The following USP9X variants were observed in gnomAD, a reference collection of about 807,000 sequenced individuals.
USP9X encodes the protein ubiquitin carboxyl-terminal hydrolase 9X.
Under a neutral mutation model 190.3 loss-of-function variants are expected in USP9X, and 7 were observed. The ratio of observed to expected loss-of-function variants is 0.04; its 90% CI spans 0.02 to 0.07. The LOEUF is 0.07. USP9X is among the 10% of genes least tolerant of loss of function. The pLI is 1.00. For synonymous variants in USP9X, 645 were observed against 659.5 expected, an observed-to-expected ratio of 0.98 and a Z score of 0.34; for missense variants, 1,010 against 1,916.9, an observed-to-expected ratio of 0.53 and a Z score of 8.83.
chrX:41,190,304 C>T (rs1016765016), intron 26 of USP9X, among the ~76,000 whole-genome samples: 3 of 110,574 alleles, frequency 2.7e-5, no homozygotes, highest in Non-Finnish European at 3.8e-5. Context: ...CTTGCCCACT[C>T]GAGAGGATGT....
chrX:41,105,414 T>C (rs1028753124), intron 1 of USP9X, among the ~76,000 whole-genome samples: 1 of 112,318 alleles, frequency 8.9e-6, no homozygotes, highest in African/African-American at 3.2e-5. Flanking sequence ...TTTGTCCTTT[T>C]GTGACCGCTT....
chrX:41,157,312 A>G (rs1423138465), intron 14 of USP9X, among the ~76,000 whole-genome samples: 1 of 111,517 alleles, frequency 9.0e-6, no homozygotes, highest in African/African-American at 3.3e-5. Context: ...TGAGCATAGG[A>G]CAAAAACATA....
chrX:41,125,736 T>G (rs369307813), intron 2 of USP9X, among the ~76,000 whole-genome samples: 14 of 105,096 alleles, frequency 1.3e-4, no homozygotes, highest in African/African-American at 4.3e-4. Flanking sequence ...GCGCGCGCGC[T>G]CTCTCTCTCT....
chrX:41,158,821 T>C (rs1325662619), intron 14 of USP9X, among the ~76,000 whole-genome samples: 2 of 111,516 alleles, frequency 1.8e-5, no homozygotes, highest in Non-Finnish European at 3.8e-5. Context: ...CATCCAACAA[T>C]AGTGAAACTA....
At chrX:41,186,981 A>AC (rs1224993183) in intron 24 of USP9X, among the ~76,000 whole-genome samples, 4 of 91,702 alleles carry the variant, frequency 4.4e-5, no homozygotes, top group Non-Finnish European at 6.5e-5. Context: ...TGCCACACCC[A>AC]CCCCCCCATG....
chrX:41,204,429 T>A (rs1602030394), intron 31 of USP9X, among the ~76,000 whole-genome samples: 2 of 98,801 alleles, frequency 2.0e-5, no homozygotes, highest in African/African-American at 7.5e-5. Flanking sequence ...TTTTTTTTTT[T>A]AACAGTTCTG....
rs2063080421 is a variant in USP9X at position 41,205,209 on chromosome X, A to G, written c.4825-94A>G. On this transcript the variant is annotated intron_variant, in intron 31 of 44. Coordinates refer to ENST00000378308, the MANE Select transcript of USP9X (RefSeq NM_001039591.3). ...AAAGTGCTTTGGAAATGAGCATAATAGGAATACAAATCATTTGTTCAATAA... is the reference window on the plus strand; with the variant it reads ...AAAGTGCTTTGGAAATGAGCATAATGGGAATACAAATCATTTGTTCAATAA... The G allele has an allele frequency of 6.0e-6, 4 of 670,956 alleles. No homozygotes were observed. In the East Asian group the frequency reaches 1.1e-4, roughly 18 times the overall value. 55.3% of individuals were successfully genotyped at this position (670,956 alleles called of 1,213,427 possible).
chrX:41,130,347 G>A (rs2062298084), intron 3 of USP9X, among the ~76,000 whole-genome samples: 1 of 110,500 alleles, frequency 9.0e-6, no homozygotes, highest in Non-Finnish European at 1.9e-5. Flanking sequence ...TGTATTGTTT[G>A]TTGCTTTTCC....
intron 21 of USP9X, among the ~76,000 whole-genome samples, chrX:41,183,088 G>A (rs1182730524): frequency 9.1e-6 from 1 of 110,038 alleles, no homozygotes; most frequent in African/African-American, 3.3e-5. Context: ...ACAGGCGCAT[G>A]CCACCACGCC....
At chrX:41,189,831 CAG>C (rs763443881) in intron 26 of USP9X, 3 of 126,060 alleles carry the variant, frequency 2.4e-5, no homozygotes, top group East Asian at 2.3e-4. Flanking sequence ...TAAAGCCAAA[CAG>C]AATTTGATAT....
intron 1 of USP9X, among the ~76,000 whole-genome samples, chrX:41,122,980 G>T (rs2062203807): frequency 9.0e-6 from 1 of 110,856 alleles, no homozygotes; most frequent in Non-Finnish European, 1.9e-5. Flanking sequence ...GGAGCCTGGG[G>T]CTTGGGGTTT....
intron 14 of USP9X, among the ~76,000 whole-genome samples, chrX:41,157,584 GCCCTTATTT>G (rs1214648348): frequency 1.8e-4 from 20 of 111,393 alleles, no homozygotes; most frequent in African/African-American, 6.5e-4. Flanking sequence ...CATAGCCATA[GCCCTTATTT>G]CCCATAGTCA....
chrX:41,184,771 T>C (rs951738222), intron 23 of USP9X, 96 bp downstream of exon 23: 7 of 762,696 alleles, frequency 9.2e-6, no homozygotes, highest in African/African-American at 2.1e-5. Flanking sequence ...CAAGGTTGAC[T>C]CAATGTTCAA....
chrX:41,131,583 T>G, intron 4 of USP9X, 47 bp downstream of exon 4: 1 of 1,088,166 alleles, frequency 9.2e-7, no homozygotes, highest in Non-Finnish European at 1.2e-6. Context: ...CTACTAGATG[T>G]ATTTTTACTT....
chrX:41,205,870 T>C (rs1569193798), intron 32 of USP9X, among the ~76,000 whole-genome samples: 1 of 91,338 alleles, frequency 1.1e-5, no homozygotes, highest in Non-Finnish European at 2.3e-5. Context: ...TTTTTTTCTT[T>C]TTTTCTTTTT....
At chrX:41,210,908 TTATTA>T (rs1234601259) in intron 33 of USP9X, among the ~76,000 whole-genome samples, 3 of 111,789 alleles carry the variant, frequency 2.7e-5, no homozygotes, top group Non-Finnish European at 5.6e-5. Context: ...CTTAGCCATT[TTATTA>T]TATTATACTC....
chrX:41,223,539 G>A, intron 39 of USP9X, 137 bp downstream of exon 39: 2 of 619,106 alleles, frequency 3.2e-6, no homozygotes, highest in Non-Finnish European at 4.9e-6. Flanking sequence ...CCTGGTTTAA[G>A]CCATTCTCCT....
intron 33 of USP9X, among the ~76,000 whole-genome samples, chrX:41,212,457 A>AT (rs1176661590): frequency 6.0e-4 from 29 of 48,696 alleles, no homozygotes; most frequent in African/African-American, 2.2e-3. Context: ...AGAATGATCA[A>AT]TTAAAAAAAA....
intron 21 of USP9X, among the ~76,000 whole-genome samples, chrX:41,176,791 A>T (rs2062778489): frequency 8.9e-6 from 1 of 111,997 alleles, no homozygotes; most frequent in Non-Finnish European, 1.9e-5. Context: ...CATTATACTG[A>T]CATCATTATA....
Sources: gnomAD v4.1 joint callset for allele counts (sites outside exome capture counted in the v4.1 genomes callset) on GRCh38, gnomAD v4.1.1 for gene constraint, MANE v1.5 for transcripts, NCBI Gene and HGNC (gene_info 2026-07-23, HGNC 2026-07-21) for gene names.